Variants in ATP2A2 observed in about 807,000 individuals in gnomAD.
The protein encoded by ATP2A2 is sarcoplasmic/endoplasmic reticulum calcium ATPase 2.
A neutral mutation model predicts 109.3 loss-of-function variants in ATP2A2; 14 were observed. The observed-to-expected ratio is 0.13, with a 90% CI of 0.08 to 0.20. The LOEUF (loss-of-function observed/expected upper bound fraction) is 0.20. ATP2A2 is among the 10% of genes least tolerant of loss of function. The pLI is 1.00. For missense variants in ATP2A2, 657 were observed against 1,321.6 expected, an observed-to-expected ratio of 0.50 and a Z score of 7.80; for synonymous variants, 506 against 490.9, an observed-to-expected ratio of 1.03 and a Z score of -0.41.
In ATP2A2 at chr12:110,346,793, G is replaced by A. The variant is rs923102213; in HGVS notation, c.*323G>A. The A allele has an allele frequency of 3.5e-6, 4 of 1,140,478 alleles. No homozygotes were observed. In the African/African-American group the frequency reaches 6.6e-5, roughly 19 times the overall value. The allele number at this position is 1,140,478 out of a possible 1,614,324, so 70.6% of individuals were successfully genotyped here. A position where few individuals can be genotyped will look rare whatever the true frequency, so the allele number is the denominator to read the frequency against. ...AAAAATAGTTGAGCCAGCAGACATT[G>A]TCAGCAAATTAATTGGCAGCAGATT... On this transcript the variant is annotated 3_prime_UTR_variant, in exon 20 of 20. Transcript: ENST00000539276.
intron 8 of ATP2A2, chr12:110,329,609 G>A (rs1878143976): frequency 6.6e-6 from 1 of 151,804 alleles, no homozygotes; most frequent in Non-Finnish European, 1.5e-5. Flanking sequence ...GTAGAGATAG[G>A]GTTTCTCCAT....
chr12:110,334,295 A>G lies in ATP2A2; in HGVS notation c.1419+152A>G, dbSNP rs770287105. On this transcript the variant is annotated intron_variant, in intron 11 of 19. Coordinates refer to ENST00000539276, the MANE Select transcript of ATP2A2 (RefSeq NM_170665.4). The stretch of plus-strand genomic sequence containing the variant: ...CCTTCCCCATATTCACTCTCAGGTA[A>G]GATGCTCTTCCTGTGTATTTGACCA... 4 of 970,704 alleles carry G rather than the reference A, an allele frequency of 4.1e-6. No individual in the cohort carries two copies. The African/African-American group carries it at 4.9e-5, about 12-fold the overall frequency. The allele number at this position is 970,704 out of a possible 1,614,324, so 60.1% of individuals were successfully genotyped here.
At chr12:110,306,874 C>T (rs961544448) in intron 5 of ATP2A2, among the ~76,000 whole-genome samples, 3 of 152,076 alleles carry the variant, frequency 2.0e-5, no homozygotes, top group Non-Finnish European at 4.4e-5. Flanking sequence ...GCCATCCTCC[C>T]ACCTCAGCCT....
At chr12:110,344,736 G>A (rs142453092) in intron 16 of ATP2A2, 150 bp from the exon 17 acceptor site, 11 of 748,210 alleles carry the variant, frequency 1.5e-5, no homozygotes, top group Middle Eastern at 3.5e-4. Context: ...GCTACCAGGC[G>A]TGAGCAGGTG....
rs1326390008 is a variant in ATP2A2, at chr12:110,339,266, T to A, written c.1420-15T>A. 1 of 1,613,662 alleles carries A rather than the reference T, an allele frequency of 6.2e-7. No individual in the cohort carries two copies. The highest frequency in any genetic ancestry group is 1.3e-5 in the African/African-American group (1 of 74,926). ...AATTGCCACCCAGTAGTATCCATATTTGTTCCCTTTGTAGGTCATTAAACA... is the reference window on the plus strand; with the variant it reads ...AATTGCCACCCAGTAGTATCCATATATGTTCCCTTTGTAGGTCATTAAACA... On this transcript the variant is annotated splice_polypyrimidine_tract_variant and intron_variant, in intron 11 of 19. Transcript: ENST00000539276. The surrounding 1 kb of genome is among the most constrained non-coding windows in gnomAD (Gnocchi z 4.4).
At chr12:110,332,461 C>T in intron 8 of ATP2A2, 136 bp from the exon 9 acceptor site, 1 of 774,448 alleles carries the variant, frequency 1.3e-6, no homozygotes, top group Admixed American at 1.8e-5. Flanking sequence ...GAGTGAGCCT[C>T]AGTGAGTTTT....
At position 110,351,050 on chromosome 12, in the gene ATP2A2, C is replaced by T. The variant is rs9540; in HGVS notation, c.*4580C>T. On this transcript the variant is annotated 3_prime_UTR_variant, in exon 20 of 20. Coordinates refer to ENST00000539276, the MANE Select transcript of ATP2A2 (RefSeq NM_170665.4). ...TTTCTGTGCTGGTAACAATGAGCGTCGCACAGACATGGTTTCAGGTAAATA... is the reference window on the plus strand; with the variant it reads ...TTTCTGTGCTGGTAACAATGAGCGTTGCACAGACATGGTTTCAGGTAAATA... 1,207 of 152,510 alleles carry T rather than the reference C, an allele frequency of 7.9e-3. 6 individuals carry two copies. Among genetic ancestry groups the T allele is most frequent in the Middle Eastern group, 0.017 (5 of 294 alleles). 9.4% of individuals were successfully genotyped at this position (152,510 alleles called of 1,614,324 possible).
intron 3 of ATP2A2, among the ~76,000 whole-genome samples, chr12:110,288,426 T>G (rs140387793): frequency 6.6e-6 from 1 of 151,528 alleles, no homozygotes; most frequent in East Asian, 1.9e-4. Context: ...TTCCTTGAGA[T>G]GGAGTTTTGC....
intron 5 of ATP2A2, among the ~76,000 whole-genome samples, chr12:110,314,685 T>C (rs1426606293): frequency 6.6e-6 from 1 of 152,196 alleles, no homozygotes; most frequent in Non-Finnish European, 1.5e-5. Flanking sequence ...ATTGAATTAG[T>C]AACCTGTGAA....
At position 110,339,476 on chromosome 12, in the gene ATP2A2, G is replaced by C. The variant is rs1340645001; in HGVS notation, c.1543-27G>C. 6.2e-7 allele frequency: 1 copy of C among 1,613,932 alleles called. No individual in the cohort carries two copies. The highest frequency in any genetic ancestry group is 2.2e-5 in the East Asian group (1 of 44,874). On this transcript the variant is annotated intron_variant, in intron 12 of 19. Transcript: ENST00000539276. The surrounding 1 kb of genome is among the most constrained non-coding windows in gnomAD (Gnocchi z 4.4). ...CCCGGTGAACCAATAAAACAAAATT[G>C]TTTATCTAAATCTGTAACATTTCCA...
intron 5 of ATP2A2, among the ~76,000 whole-genome samples, chr12:110,321,252 A>G (rs1294172176): frequency 6.6e-6 from 1 of 152,144 alleles, no homozygotes; most frequent in East Asian, 1.9e-4. Flanking sequence ...AAAATAAGAA[A>G]TTCAATGTTT....
At chr12:110,303,348 C>A (rs534495575) in intron 5 of ATP2A2, among the ~76,000 whole-genome samples, 5 of 152,222 alleles carry the variant, frequency 3.3e-5, no homozygotes, top group African/African-American at 1.2e-4. Context: ...CTGCTTCAGT[C>A]TCCCGAGTAG....
intron 5 of ATP2A2, among the ~76,000 whole-genome samples, chr12:110,315,178 C>G (rs536158571): frequency 6.6e-6 from 1 of 152,212 alleles, no homozygotes; most frequent in African/African-American, 2.4e-5. Flanking sequence ...ATACTGTTAA[C>G]TGTATATATA....
chr12:110,349,320 A>G lies in ATP2A2; in HGVS notation c.*2850A>G, dbSNP rs1880182342. 7 of 985,282 alleles carry G rather than the reference A, an allele frequency of 7.1e-6. No individual in the cohort carries two copies. The highest frequency in any genetic ancestry group is 8.4e-6 in the Non-Finnish European group (7 of 829,970). The allele number at this position is 985,282 out of a possible 1,614,324, so 61.0% of individuals were successfully genotyped here. ...CCAGCCCCGCAATGTGCCTGCTGTC[A>G]GGCAGCTCTTGCCTGAAACTTACTT... On this transcript the variant is annotated 3_prime_UTR_variant, in exon 20 of 20. Coordinates refer to ENST00000539276, the MANE Select transcript of ATP2A2 (RefSeq NM_170665.4).
chr12:110,294,728 G>T (rs1873781376), intron 4 of ATP2A2, among the ~76,000 whole-genome samples: 1 of 152,168 alleles, frequency 6.6e-6, no homozygotes, highest in Admixed American at 6.6e-5. Flanking sequence ...AGCAATAGAG[G>T]GTTGTGGCCT....
chr12:110,343,833 G>T (rs771133407), intron 16 of ATP2A2, among the ~76,000 whole-genome samples: 11 of 152,090 alleles, frequency 7.2e-5, no homozygotes, highest in South Asian at 2.1e-4. Context: ...GCAGTGGCTG[G>T]TCCCTTTTAT....
In ATP2A2 at chr12:110,349,237, C is replaced by T. The variant is rs938844782; in HGVS notation, c.*2767C>T. 1 of 985,456 alleles carries T rather than the reference C, an allele frequency of 1.0e-6. No homozygotes were observed. Among genetic ancestry groups the T allele is most frequent in the South Asian group, 4.7e-5 (1 of 21,296 alleles). The allele number at this position is 985,456 out of a possible 1,614,324, so 61.0% of individuals were successfully genotyped here. On this transcript the variant is annotated 3_prime_UTR_variant, in exon 20 of 20. Coordinates refer to ENST00000539276, the MANE Select transcript of ATP2A2 (RefSeq NM_170665.4). ...AACCCATAAAGACCAGGTCCAGCACCGTGGTCTTGGCACATCCCTGGCCTC... is the reference window on the plus strand; with the variant it reads ...AACCCATAAAGACCAGGTCCAGCACTGTGGTCTTGGCACATCCCTGGCCTC...
rs1482501511 is a variant in ATP2A2 at position 110,346,970 on chromosome 12, C to T, written c.*500C>T. ...CTGAGCAGAGTCTTGCTACCTCAGT[C>T]AGTATTGTTTTGGTTTGCTACTTCC... is the stretch of plus-strand genomic sequence containing the variant. On this transcript the variant is annotated 3_prime_UTR_variant, in exon 20 of 20. Transcript: ENST00000539276. 1 of 1,096,544 alleles carries T rather than the reference C, an allele frequency of 9.1e-7. No individual in the cohort carries two copies. Among genetic ancestry groups the T allele is most frequent in the East Asian group, 7.7e-5 (1 of 13,032 alleles). 67.9% of individuals were successfully genotyped at this position (1,096,544 alleles called of 1,614,324 possible). A position where few individuals can be genotyped will look rare whatever the true frequency, so the allele number is the denominator to read the frequency against.
chr12:110,338,710 A>G (rs1278689734), intron 11 of ATP2A2, among the ~76,000 whole-genome samples: 1 of 152,172 alleles, frequency 6.6e-6, no homozygotes, highest in East Asian at 1.9e-4. Context: ...GACCACCTTC[A>G]GCCAATTCTT....
Sources: gnomAD v4.1 joint callset for allele counts (sites outside exome capture counted in the v4.1 genomes callset) on GRCh38, gnomAD v4.1.1 for gene constraint, Gnocchi (gnomAD v3.1) non-coding constraint, MANE v1.5 for transcripts, NCBI Gene and HGNC (gene_info 2026-07-23, HGNC 2026-07-21) for gene names.